POU2F1: variants seen among roughly 807,000 people sequenced by gnomAD.
POU2F1 encodes POU domain, class 2, transcription factor 1.
In POU2F1, 16 loss-of-function variants were observed where a neutral mutation model predicts 84.9. That is an observed-to-expected ratio of 0.19 (90% CI 0.13 to 0.29). The LOEUF (loss-of-function observed/expected upper bound fraction) is 0.29. POU2F1 is among the 10% of genes least tolerant of loss of function. The pLI is 1.00. For missense variants in POU2F1, 738 were observed against 942.6 expected, an observed-to-expected ratio of 0.78 and a Z score of 2.84; for synonymous variants, 368 against 368.3, an observed-to-expected ratio of 1.00 and a Z score of 0.01.
intron 9 of POU2F1, among the ~76,000 whole-genome samples, chr1:167,391,546 T>A (rs1461342725): frequency 1.4e-5 from 2 of 144,822 alleles, no homozygotes; most frequent in African/African-American, 2.5e-5. Flanking sequence ...TTTATATATA[T>A]CTTTATATAT....
chr1:167,236,270 T>G (rs1649447349), intron 1 of POU2F1, among the ~76,000 whole-genome samples: 1 of 151,868 alleles, frequency 6.6e-6, no homozygotes, highest in African/African-American at 2.4e-5. Flanking sequence ...GCCTGGCCAA[T>G]TTTTGTATTT....
At chr1:167,400,403 T>C (rs1440863615) in intron 12 of POU2F1, among the ~76,000 whole-genome samples, 1 of 152,206 alleles carries the variant, frequency 6.6e-6, no homozygotes, top group Non-Finnish European at 1.5e-5. Context: ...TGGGAGTAAA[T>C]TTGCTGCTGA....
At position 167,416,067 on chromosome 1, in the gene POU2F1, A is replaced by T; in HGVS notation, c.*257A>T. 3.5e-6 allele frequency: 2 copies of T among 576,668 alleles called. No individual in the cohort carries two copies. The highest frequency in any genetic ancestry group is 2.0e-5 in the African/African-American group (1 of 50,952). The allele number at this position is 576,668 out of a possible 1,614,324, so 35.7% of individuals were successfully genotyped here. A position where few individuals can be genotyped will look rare whatever the true frequency, so the allele number is the denominator to read the frequency against. The stretch of plus-strand genomic sequence containing the variant: ...TTTTCAGGATTGCTTCATGGATTGG[A>T]GAACTTTCTAACCAAAAATTAAAAA... On this transcript the variant is annotated 3_prime_UTR_variant, in exon 16 of 16. Transcript: ENST00000367866.
intron 1 of POU2F1, among the ~76,000 whole-genome samples, chr1:167,242,945 C>T (rs1650019554): frequency 6.6e-6 from 1 of 151,910 alleles, no homozygotes; most frequent in South Asian, 2.1e-4. Flanking sequence ...CCCCTCCTTC[C>T]ACCTGCCTCT....
At chr1:167,398,185 A>C (rs1648945747) in intron 11 of POU2F1, 52 bp downstream of exon 11, 1 of 1,564,752 alleles carries the variant, frequency 6.4e-7, no homozygotes, top group Admixed American at 1.9e-5. Flanking sequence ...GTAGTACTTA[A>C]CATTAGTACT....
intron 1 of POU2F1, among the ~76,000 whole-genome samples, chr1:167,228,108 C>T (rs1397146382): frequency 6.6e-6 from 1 of 151,926 alleles, no homozygotes; most frequent in Non-Finnish European, 1.5e-5. Flanking sequence ...CTTTAAAGGG[C>T]AAAAAGAATT....
rs144652811 is a variant in POU2F1, at chr1:167,261,341, G to A, written c.61+40383G>A. ...TTCTTTATTTTGGAAAACTATTTTT[G>A]TGTTTTTAGATGTCTGGATTTTTCA... On this transcript the variant is annotated intron_variant, in intron 1 of 15. Coordinates refer to ENST00000367866, the MANE Select transcript of POU2F1 (RefSeq NM_002697.4). Among the ~76,000 whole-genome samples the A allele has an allele frequency of 5.6e-3, 851 of 152,274 alleles. 3 individuals are homozygous for A. Among genetic ancestry groups the A allele is most frequent in the Middle Eastern group, 0.017 (5 of 294 alleles).
intron 1 of POU2F1, among the ~76,000 whole-genome samples, chr1:167,266,057 A>G (rs767540764): frequency 4.6e-5 from 7 of 152,240 alleles, no homozygotes; most frequent in Non-Finnish European, 8.8e-5. Flanking sequence ...ATGCTTATGC[A>G]CAGAAATCCA....
At chr1:167,245,494 A>C (rs774844169) in intron 1 of POU2F1, among the ~76,000 whole-genome samples, 1 of 149,778 alleles carries the variant, frequency 6.7e-6, no homozygotes, top group African/African-American at 2.5e-5. Context: ...GCTCACTGCA[A>C]CCTCCACCTA....
chr1:167,391,068 A>G (rs1353054314), intron 9 of POU2F1, among the ~76,000 whole-genome samples: 1 of 152,182 alleles, frequency 6.6e-6, no homozygotes, highest in Non-Finnish European at 1.5e-5. Flanking sequence ...GTTTGTTTTA[A>G]GCACTACCAC....
intron 8 of POU2F1, among the ~76,000 whole-genome samples, chr1:167,384,945 T>C (rs1367161624): frequency 1.3e-5 from 2 of 152,144 alleles, no homozygotes; most frequent in African/African-American, 4.8e-5. Flanking sequence ...TGATTGTCTA[T>C]GTAGAAAATC....
At chr1:167,348,687 G>T (rs1322780634) in intron 2 of POU2F1, among the ~76,000 whole-genome samples, 1 of 152,056 alleles carries the variant, frequency 6.6e-6, no homozygotes, top group Non-Finnish European at 1.5e-5. Context: ...ATGAGAATGG[G>T]CAATAATAAA....
chr1:167,236,785 A>G (rs1649490481), intron 1 of POU2F1, among the ~76,000 whole-genome samples: 2 of 152,184 alleles, frequency 1.3e-5, no homozygotes, highest in Non-Finnish European at 2.9e-5. Context: ...CTGGAGAGTC[A>G]TACCCTACTC....
chr1:167,354,523 C>G (rs1658809836), intron 2 of POU2F1, among the ~76,000 whole-genome samples: 1 of 152,116 alleles, frequency 6.6e-6, no homozygotes, highest in South Asian at 2.1e-4. Flanking sequence ...GACTCCTGAC[C>G]TCAGGTGATC....
At chr1:167,290,601 G>C (rs1282314643) in intron 1 of POU2F1, among the ~76,000 whole-genome samples, 2 of 152,208 alleles carry the variant, frequency 1.3e-5, no homozygotes, top group Non-Finnish European at 2.9e-5. Flanking sequence ...TGACCCCATG[G>C]AGCAGAGTAC....
At chr1:167,240,146 A>G (rs1557838366) in intron 1 of POU2F1, among the ~76,000 whole-genome samples, 2 of 152,170 alleles carry the variant, frequency 1.3e-5, no homozygotes, top group Non-Finnish European at 2.9e-5. Context: ...TGGAACATAG[A>G]GGGATAATTT....
intron 13 of POU2F1, among the ~76,000 whole-genome samples, chr1:167,410,512 A>G (rs1056039571): frequency 2.3e-5 from 3 of 128,850 alleles, no homozygotes; most frequent in Non-Finnish European, 1.5e-5. Flanking sequence ...AAAAAATGTT[A>G]TTATTATTAT....
At chr1:167,401,378 A>C in intron 12 of POU2F1, 73 bp from the exon 13 acceptor site, 1 of 1,027,966 alleles carries the variant, frequency 9.7e-7, no homozygotes, top group Non-Finnish European at 1.4e-6. Context: ...GATCAAAGAA[A>C]GACTGTAAAA....
At chr1:167,243,887 AC>A (rs1650107061) in intron 1 of POU2F1, among the ~76,000 whole-genome samples, 1 of 152,210 alleles carries the variant, frequency 6.6e-6, no homozygotes, top group African/African-American at 2.4e-5. Flanking sequence ...ATAGTACAGG[AC>A]CCAGATTTCA....
Sources: allele counts gnomAD v4.1 joint callset (sites outside exome capture counted in the v4.1 genomes callset), GRCh38; gene constraint gnomAD v4.1.1; transcripts MANE v1.5; gene names NCBI Gene and HGNC (gene_info 2026-07-23, HGNC 2026-07-21).